Variants in VEZF1 observed in about 807,000 individuals in gnomAD.
VEZF1 encodes the protein vascular endothelial zinc finger 1.
A neutral mutation model predicts 44.1 loss-of-function variants in VEZF1; 5 were observed. That is an observed-to-expected ratio of 0.11 (90% CI 0.06 to 0.24). The LOEUF (loss-of-function observed/expected upper bound fraction) is 0.24. Among genes scored for constraint, VEZF1 ranks in the 10% least tolerant of loss-of-function variants. The pLI is 1.00. For synonymous variants in VEZF1, 236 were observed against 233.1 expected (o/e 1.01, Z -0.11); for missense variants, 358 against 641.8 (o/e 0.56, Z 4.78).
In VEZF1 at chr17:57,972,310, G is replaced by A. The variant is rs1409915153; in HGVS notation, c.*2163C>T. The A allele has an allele frequency of 1.3e-5, 2 of 152,182 alleles. No homozygotes were observed. Among genetic ancestry groups the A allele is most frequent in the African/African-American group, 4.8e-5 (2 of 41,408 alleles). The allele number at this position is 152,182 out of a possible 1,614,324, so 9.4% of individuals were successfully genotyped here. On this transcript the variant is annotated 3_prime_UTR_variant, in exon 6 of 6. Coordinates refer to ENST00000581208, the MANE Select transcript of VEZF1 (RefSeq NM_007146.3). ...GGAGGAAGCCTGGGCTGTCTGAATTGTGAATTATGACTGCCAGCCCACCAG... is the reference window on the plus strand; with the variant it reads ...GGAGGAAGCCTGGGCTGTCTGAATTATGAATTATGACTGCCAGCCCACCAG...
rs546506759 is a variant in VEZF1, at chr17:57,983,056, C to G, written c.371G>C (p.Ser124Thr). The change falls in exon 2 of 6, where the codon AGC becomes ACC. Residue 124 changes from serine (S) to threonine (T), a missense_variant. Around this residue, in one of 4 missense-constraint regions of VEZF1, gnomAD observed 117 missense variants for 207.2 expected, o/e 0.56. Transcript: ENST00000581208. Reference protein sequence around the residue: ...PLISTIAGDSSRTSLVSTIAG... With the variant: ...PLISTIAGDSTRTSLVSTIAG... ...AATGGTCGAGACCAACGAAGTTCGG[C>G]TGCTGTCCCCAGCGATGGTAGAGAT... The G allele has an allele frequency of 8.1e-6, 13 of 1,614,192 alleles. No homozygotes were observed. In the South Asian group the frequency reaches 1.4e-4, roughly 18 times the overall value.
chr17:57,979,344 T>G, intron 4 of VEZF1, 31 bp from the exon 5 acceptor site: 1 of 1,607,972 alleles, frequency 6.2e-7, no homozygotes, highest in Non-Finnish European at 8.5e-7. Context: ...AAACACTGTA[T>G]CTACCTGTAA....
chr17:57,979,345 C>T (rs12939279), intron 4 of VEZF1, 32 bp from the exon 5 acceptor site: 106,019 of 1,607,588 alleles, frequency 0.066, 4,103 homozygotes, highest in African/African-American at 0.16. Context: ...AACACTGTAT[C>T]TACCTGTAAA....
chr17:57,982,269 T>G (rs1433496079), intron 2 of VEZF1, among the ~76,000 whole-genome samples: 1 of 152,310 alleles, frequency 6.6e-6, no homozygotes, highest in African/African-American at 2.4e-5. Context: ...AAATGAAAAT[T>G]AGTGAAATGT....
At chr17:57,987,002 G>C (rs1555573836) in intron 1 of VEZF1, among the ~76,000 whole-genome samples, 1 of 152,154 alleles carries the variant, frequency 6.6e-6, no homozygotes, top group Non-Finnish European at 1.5e-5. Context: ...AAACGAAGTA[G>C]GAAAAAAATA....
chr17:57,984,614 T>C (rs1466869324), intron 1 of VEZF1, among the ~76,000 whole-genome samples: 1 of 152,134 alleles, frequency 6.6e-6, no homozygotes, highest in African/African-American at 2.4e-5. Context: ...CTTTAGACGG[T>C]TACTTACCCT....
At chr17:57,985,492 A>C (rs908660828) in intron 1 of VEZF1, 1 of 1,187,662 alleles carries the variant, frequency 8.4e-7, no homozygotes, top group African/African-American at 1.6e-5. Flanking sequence ...GTAAAATAAC[A>C]ACCACGGCCA....
intron 1 of VEZF1, among the ~76,000 whole-genome samples, chr17:57,987,785 C>A (rs1427725875): frequency 6.6e-6 from 1 of 151,932 alleles, no homozygotes; most frequent in African/African-American, 2.4e-5. Flanking sequence ...TCCTCCCTTC[C>A]CCTTCAGAGC....
At chr17:57,978,156 T>C (rs1423505507) in intron 5 of VEZF1, among the ~76,000 whole-genome samples, 2 of 150,068 alleles carry the variant, frequency 1.3e-5, no homozygotes, top group Non-Finnish European at 3.0e-5. Context: ...TGAGCCGAGA[T>C]CACGCCACTG....
At chr17:57,985,397 G>C (rs2075285563) in intron 1 of VEZF1, 2 of 1,226,494 alleles carry the variant, frequency 1.6e-6, no homozygotes, top group Admixed American at 8.5e-5. Context: ...ACTCTCTGAG[G>C]ATTCCTAGGA....
At chr17:57,981,674 G>A (rs953651855) in intron 3 of VEZF1, among the ~76,000 whole-genome samples, 199 bp downstream of exon 3, 4 of 151,692 alleles carry the variant, frequency 2.6e-5, no homozygotes, top group Non-Finnish European at 5.9e-5. Flanking sequence ...AAAACAACAC[G>A]CTTAAATTTT....
chr17:57,981,972 G>C (rs1303219938), intron 2 of VEZF1, 36 bp from the exon 3 acceptor site: 12 of 1,602,194 alleles, frequency 7.5e-6, no homozygotes, highest in Non-Finnish European at 1.0e-5. Flanking sequence ...AGATATAATC[G>C]AACACATAGA....
rs370300603 is a variant in VEZF1 at position 57,979,338 on chromosome 17, A to G, written c.977-25T>C. ...GCTATTACAAAGACAAACCAAAAAC[A>G]CTGTATCTACCTGTAAAACTGTTGC... On this transcript the variant is annotated intron_variant, in intron 4 of 5. Transcript: ENST00000581208. 3 of 1,611,940 alleles carry G rather than the reference A, an allele frequency of 1.9e-6. No individual in the cohort carries two copies. In the African/African-American group the frequency reaches 4.0e-5, roughly 22 times the overall value.
intron 4 of VEZF1, 107 bp downstream of exon 4, chr17:57,980,496 A>G: frequency 9.2e-7 from 1 of 1,082,678 alleles, no homozygotes; most frequent in Admixed American, 2.1e-5. Context: ...TGTTGGCAAT[A>G]GGAGGAAACA....
At chr17:57,979,970 CAAA>C (rs11359148) in intron 4 of VEZF1, among the ~76,000 whole-genome samples, 1 of 68,434 alleles carries the variant, frequency 1.5e-5, no homozygotes, top group Non-Finnish European at 3.3e-5. Context: ...GACTCCGTCT[CAAA>C]AAAAAAAAAA....
chr17:57,987,772 G>A (rs564596958), intron 1 of VEZF1, among the ~76,000 whole-genome samples: 3 of 151,990 alleles, frequency 2.0e-5, no homozygotes, highest in African/African-American at 7.2e-5. Context: ...ACAGCGACCG[G>A]CCTCCTCCCT....
At position 57,982,561 on chromosome 17, in the gene VEZF1, T is replaced by C. The variant is rs1033030608; in HGVS notation, c.728+138A>G. 11 of 805,394 alleles carry C rather than the reference T, an allele frequency of 1.4e-5. No individual in the cohort carries two copies. In the Admixed American group the frequency reaches 1.5e-4, roughly 11 times the overall value. 49.9% of individuals were successfully genotyped at this position (805,394 alleles called of 1,614,324 possible). On this transcript the variant is annotated intron_variant, in intron 2 of 5. Transcript: ENST00000581208. ...GGTTAGACCTGGAGGTGTTAATACT[T>C]ATCTATCACCAATCTCCTCTAATAA...
At chr17:57,979,985 A>C (rs8066251) in intron 4 of VEZF1, among the ~76,000 whole-genome samples, 20,028 of 149,656 alleles carry the variant, frequency 0.13, 2,099 homozygotes, top group African/African-American at 0.28. Context: ...AAAAAAAAAA[A>C]AAAAAACAAA....
chr17:57,985,246 G>T, intron 1 of VEZF1: 1 of 1,230,958 alleles, frequency 8.1e-7, no homozygotes, highest in Non-Finnish European at 1.0e-6. Context: ...AGTACTAAAA[G>T]CACTTACTGC....
Sources: gnomAD v4.1 joint callset for allele counts (sites outside exome capture counted in the v4.1 genomes callset) on GRCh38, gnomAD v4.1.1 for gene constraint, gnomAD v4.1.1 regional missense constraint, MANE v1.5 for transcripts, NCBI Gene and HGNC (gene_info 2026-07-23, HGNC 2026-07-21) for gene names.